Variants in WDR27 observed in about 807,000 individuals in gnomAD.
The protein encoded by WDR27 is WD repeat-containing protein 27.
WDR27 carries 100 observed loss-of-function variants against 114.4 expected under a neutral mutation model. That is an observed-to-expected ratio of 0.87 (90% CI 0.74 to 1.03). The LOEUF (loss-of-function observed/expected upper bound fraction) is 1.03. Among genes scored for constraint, WDR27 ranks in the 50% least tolerant of loss-of-function variants. The pLI is 0.00. For synonymous variants in WDR27, 449 were observed against 423.1 expected, an observed-to-expected ratio of 1.06 and a Z score of -0.75; for missense variants, 1,129 against 1,092.9, an observed-to-expected ratio of 1.03 and a Z score of -0.47.
chr6:169,533,366 T>C (rs560102062), intron 25 of WDR27, among the ~76,000 whole-genome samples: 1 of 152,264 alleles, frequency 6.6e-6, no homozygotes, highest in East Asian at 1.9e-4. Context: ...TCTTATATCC[T>C]ATGCCCAGGA....
intron 22 of WDR27, among the ~76,000 whole-genome samples, chr6:169,607,000 T>C (rs1181831525): frequency 6.6e-6 from 1 of 152,134 alleles, no homozygotes; most frequent in African/African-American, 2.4e-5. Context: ...TCAACATCAC[T>C]AATCATCAGA....
chr6:169,665,329 G>A (rs73790089), intron 7 of WDR27, 157 bp downstream of exon 7: 47,240 of 1,408,216 alleles, frequency 0.034, 1,691 homozygotes, highest in South Asian at 0.16. Flanking sequence ...CCACAGTGAC[G>A]CTGAGACCCA....
At chr6:169,555,088 T>G (rs1798687063) in intron 25 of WDR27, among the ~76,000 whole-genome samples, 1 of 152,070 alleles carries the variant, frequency 6.6e-6, no homozygotes, top group South Asian at 2.1e-4. Context: ...AGAATAAAAA[T>G]GAAAAACTAT....
intron 25 of WDR27, chr6:169,558,861 G>C (rs1799272370): frequency 6.6e-6 from 1 of 152,154 alleles, no homozygotes; most frequent in Non-Finnish European, 1.5e-5. Context: ...AGCATAGCAG[G>C]CTTCTCATTT....
Position 169,659,049 on chromosome 6 carries a change from A to G in WDR27, c.1319+37T>C, listed in dbSNP as rs1233674320. The G allele has an allele frequency of 1.3e-6, 2 of 1,484,056 alleles. No individual in the cohort carries two copies. Among genetic ancestry groups the G allele is most frequent in the African/African-American group, 1.4e-5 (1 of 70,522 alleles). The allele number at this position is 1,484,056 out of a possible 1,614,324, so 91.9% of individuals were successfully genotyped here. A position where few individuals can be genotyped will look rare whatever the true frequency, so the allele number is the denominator to read the frequency against. ...GAAATCCAGATGGCACTTATTGGTG[A>G]ACACACACACACACTCCACACTTGA... On this transcript the variant is annotated intron_variant, in intron 12 of 25. Transcript: ENST00000448612. The surrounding 1 kb of genome is among the most constrained non-coding windows in gnomAD (Gnocchi z 4.3).
chr6:169,630,297 CA>C (rs1816017446), intron 21 of WDR27, among the ~76,000 whole-genome samples: 2 of 152,208 alleles, frequency 1.3e-5, no homozygotes, highest in South Asian at 4.1e-4. Context: ...TCTAGATTTA[CA>C]TCTACTTTCT....
At chr6:169,488,007 C>T (rs950777805) in intron 25 of WDR27, among the ~76,000 whole-genome samples, 2 of 152,224 alleles carry the variant, frequency 1.3e-5, no homozygotes, top group Non-Finnish European at 2.9e-5. Flanking sequence ...ACTCCCCCAG[C>T]TGGGGGTCAT....
At chr6:169,665,317 A>AC (rs1827529455) in intron 7 of WDR27, 169 bp downstream of exon 7, 2 of 1,401,110 alleles carry the variant, frequency 1.4e-6, no homozygotes, top group African/African-American at 2.9e-5. Flanking sequence ...ACCATATTGA[A>AC]CCCACAGTGA....
chr6:169,536,509 G>T (rs554340098), intron 25 of WDR27, among the ~76,000 whole-genome samples: 2 of 152,234 alleles, frequency 1.3e-5, no homozygotes, highest in East Asian at 1.9e-4. Context: ...AATGAAACTG[G>T]TCTTATTCTG....
chr6:169,672,491 G>T, intron 2 of WDR27, 95 bp from the exon 3 acceptor site: 6 of 1,241,970 alleles, frequency 4.8e-6, no homozygotes, highest in Middle Eastern at 2.6e-4. Context: ...AAAAGATTGA[G>T]TTTTTCAAAT....
At chr6:169,557,117 T>C (rs1392317807) in intron 25 of WDR27, among the ~76,000 whole-genome samples, 1 of 152,212 alleles carries the variant, frequency 6.6e-6, no homozygotes, top group African/African-American at 2.4e-5. Context: ...CAGCATTATT[T>C]GTAATCACCA....
chr6:169,665,414 C>A, intron 7 of WDR27, 72 bp downstream of exon 7: 1 of 1,549,716 alleles, frequency 6.5e-7, no homozygotes, highest in South Asian at 1.2e-5. Context: ...AGCATGAAGA[C>A]AAAGACCTTT....
rs537804302 is a variant in WDR27 at position 169,602,835 on chromosome 6, T to C, written c.2322-514A>G. On this transcript the variant is annotated intron_variant, in intron 22 of 25. Coordinates refer to ENST00000448612, the MANE Select transcript of WDR27 (RefSeq NM_182552.5). ...TAAATTCTACAAAGATAATTCTTTT[T>C]TTTTTTTCTTTTTTTTTTTTGAGAT... is the stretch of plus-strand genomic sequence containing the variant. Among the ~76,000 whole-genome samples, 53 of 152,052 alleles carry C rather than the reference T, an allele frequency of 3.5e-4. 1 individual carries two copies. Among genetic ancestry groups the C allele is most frequent in the East Asian group, 1.4e-3 (7 of 5,182 alleles).
intron 21 of WDR27, among the ~76,000 whole-genome samples, chr6:169,620,422 T>G (rs1038195957): frequency 6.6e-6 from 1 of 152,236 alleles, no homozygotes; most frequent in African/African-American, 2.4e-5. Flanking sequence ...GAGGCTTCCC[T>G]GAAACAAATG....
intron 8 of WDR27, 147 bp from the exon 9 acceptor site, chr6:169,662,571 C>A: frequency 9.6e-7 from 1 of 1,044,000 alleles, no homozygotes; most frequent in Non-Finnish European, 1.4e-6. Context: ...ACTAAGGTAA[C>A]ACCCAGCATG....
At chr6:169,682,939 T>C (rs1781905757) in intron 2 of WDR27, among the ~76,000 whole-genome samples, 1 of 151,998 alleles carries the variant, frequency 6.6e-6, no homozygotes, top group African/African-American at 2.4e-5. Flanking sequence ...ATGCAATAGA[T>C]AGCATCAACC....
intron 25 of WDR27, among the ~76,000 whole-genome samples, chr6:169,508,814 T>G (rs2115519138): frequency 1.3e-5 from 2 of 152,366 alleles, no homozygotes; most frequent in East Asian, 3.9e-4. Flanking sequence ...TTTGAATCTA[T>G]CACGTTATTA....
At chr6:169,685,877 C>T (rs1423857073) in intron 2 of WDR27, among the ~76,000 whole-genome samples, 1 of 152,016 alleles carries the variant, frequency 6.6e-6, no homozygotes, top group Non-Finnish European at 1.5e-5. Context: ...AGTTTCAAAC[C>T]AAATAGGTCC....
At chr6:169,492,337 C>T (rs1789877720) in intron 25 of WDR27, among the ~76,000 whole-genome samples, 2 of 151,730 alleles carry the variant, frequency 1.3e-5, no homozygotes, top group Admixed American at 6.6e-5. Context: ...GACAAATTTG[C>T]TTAAAAATAT....
Sources: gnomAD v4.1 joint callset for allele counts (sites outside exome capture counted in the v4.1 genomes callset) on GRCh38, gnomAD v4.1.1 for gene constraint, Gnocchi (gnomAD v3.1) non-coding constraint, MANE v1.5 for transcripts, NCBI Gene and HGNC (gene_info 2026-07-23, HGNC 2026-07-21) for gene names.